PFKM: variants seen among roughly 807,000 people sequenced by gnomAD.
The protein encoded by PFKM is phosphofructokinase, muscle.
PFKM carries 58 observed loss-of-function variants against 95.5 expected under a neutral mutation model. The ratio of observed to expected loss-of-function variants is 0.61; its 90% CI spans 0.49 to 0.76. The LOEUF is 0.76. PFKM is among the 30% of genes least tolerant of loss of function. PFKM has a pLI of 0.00. For synonymous variants in PFKM, 336 were observed against 357.2 expected (o/e 0.94, Z 0.67); for missense variants, 678 against 1,005.4 (o/e 0.67, Z 4.40).
rs775783131 is a variant in PFKM at position 48,105,956 on chromosome 12, G to A, written c.-191G>A. 66 of 694,192 alleles carry A rather than the reference G, an allele frequency of 9.5e-5. No homozygotes were observed. The highest frequency in any genetic ancestry group is 1.5e-4 in the Non-Finnish European group (56 of 380,584). 43.0% of individuals were successfully genotyped at this position (694,192 alleles called of 1,614,324 possible). ...CCAGTCCAGCCCGGGCCGGCTGACC[G>A]GGTCCGACACAGTCTCCTGGACCAG... On this transcript the variant is annotated 5_prime_UTR_variant, in exon 1 of 25. Coordinates refer to the PFKM transcript ENST00000340802.
intron 12 of PFKM, 24 bp from the exon 13 acceptor site, chr12:48,139,825 T>G: frequency 6.5e-7 from 1 of 1,538,086 alleles, no homozygotes. Context: ...TGAAGACACC[T>G]CTCTCTATTT....
intron 3 of PFKM, among the ~76,000 whole-genome samples, chr12:48,114,139 AAGCC>A (rs1414994167): frequency 6.6e-6 from 1 of 152,158 alleles, no homozygotes; most frequent in Non-Finnish European, 1.5e-5. Flanking sequence ...GTGGTTCATG[AAGCC>A]AGCAGTTATC....
At chr12:48,128,577 G>A (rs1223972953) in intron 2 of PFKM, among the ~76,000 whole-genome samples, 3 of 152,082 alleles carry the variant, frequency 2.0e-5, no homozygotes, top group Admixed American at 6.5e-5. Flanking sequence ...TTTGTTCAGT[G>A]AACAAATGGA....
chr12:48,119,426 G>A lies in PFKM; in HGVS notation c.-9+20G>A. Reference sequence around the variant, plus strand: ...TAAAAGGCAAGAGGGGCCATTGAGTGAAGAGCAAGGGGGAGAGCTGGGAGT... The same window carrying A: ...TAAAAGGCAAGAGGGGCCATTGAGTAAAGAGCAAGGGGGAGAGCTGGGAGT... On this transcript the variant is annotated intron_variant, in intron 1 of 22. Transcript: ENST00000359794. 1.0e-6 allele frequency: 1 copy of A among 985,900 alleles called. No individual in the cohort carries two copies. Among genetic ancestry groups the A allele is most frequent in the Non-Finnish European group, 1.2e-6 (1 of 830,140 alleles). The allele number at this position is 985,900 out of a possible 1,614,324, so 61.1% of individuals were successfully genotyped here.
chr12:48,122,808 C>T lies in PFKM; in HGVS notation c.34C>T (p.Leu12=), dbSNP rs1948417477. ...THEEHHAAKT[L]GIGKAIAVLT... ...TGAAGAGCACCATGCAGCCAAAACC[C>T]TGGGGATTGGCAAAGCCATTGCTGT... The change falls in exon 2 of 23, where the codon CTG becomes TTG. Residue 12 remains leucine (L), a synonymous_variant. Transcript: ENST00000359794. 6.2e-7 allele frequency: 1 copy of T among 1,613,996 alleles called. No homozygotes were observed. Among genetic ancestry groups the T allele is most frequent in the African/African-American group, 1.3e-5 (1 of 74,910 alleles).
rs1158846922 is a variant in PFKM, at chr12:48,141,296, G to A, written c.1342-15G>A. ...GCTTTAGCCTTGTGCAGAGCTCTGT[G>A]GCTTATCCCCACAGATAGAGGAAGC... is the stretch of plus-strand genomic sequence containing the variant. On this transcript the variant is annotated splice_polypyrimidine_tract_variant and intron_variant, in intron 14 of 22. Transcript: ENST00000359794. The A allele has an allele frequency of 3.1e-6, 5 of 1,613,402 alleles. No individual in the cohort carries two copies. Among genetic ancestry groups the A allele is most frequent in the Non-Finnish European group, 4.2e-6 (5 of 1,179,344 alleles).
At chr12:48,132,430 G>GA (rs1403919919) in intron 4 of PFKM, among the ~76,000 whole-genome samples, 1 of 152,152 alleles carries the variant, frequency 6.6e-6, no homozygotes, top group Non-Finnish European at 1.5e-5. Flanking sequence ...GCAGAGAGAG[G>GA]AAAAATACTA....
upstream of PFKM, among the ~76,000 whole-genome samples, chr12:48,114,808 A>G (rs1947526127): frequency 6.6e-6 from 1 of 152,182 alleles, no homozygotes; most frequent in African/African-American, 2.4e-5. Context: ...GGAGAAATCA[A>G]AAGTGCCGTT....
chr12:48,139,417 T>G, intron 12 of PFKM, 68 bp downstream of exon 12: 1 of 1,217,824 alleles, frequency 8.2e-7, no homozygotes, highest in Non-Finnish European at 1.2e-6. Context: ...AAGATCTCCA[T>G]GGCTCCAGGC....
chr12:48,108,442 C>T (rs1245411374), intron 3 of PFKM, among the ~76,000 whole-genome samples: 1 of 152,042 alleles, frequency 6.6e-6, no homozygotes, highest in Non-Finnish European at 1.5e-5. Flanking sequence ...GGGAAACAGA[C>T]ACATCTCTAT....
At chr12:48,139,529 CAG>C (rs923430058) in intron 12 of PFKM, 180 bp downstream of exon 12, 5 of 659,698 alleles carry the variant, frequency 7.6e-6, no homozygotes, top group African/African-American at 7.2e-5. Context: ...CAGTTCATCT[CAG>C]GGGTGTGGTC....
At chr12:48,118,861 A>G (rs77322589), upstream of PFKM, among the ~76,000 whole-genome samples, 6 of 147,580 alleles carry the variant, frequency 4.1e-5, no homozygotes, top group East Asian at 2.1e-4. Context: ...TCATAATTCA[A>G]TGTTCCTCAA....
chr12:48,113,176 C>T (rs538319000), intron 3 of PFKM, among the ~76,000 whole-genome samples: 38 of 152,176 alleles, frequency 2.5e-4, no homozygotes, highest in Admixed American at 2.0e-3. Context: ...CAAGTTGTCA[C>T]GAGAGTTGGG....
intron 4 of PFKM, among the ~76,000 whole-genome samples, chr12:48,132,529 C>T (rs956048766): frequency 2.0e-5 from 3 of 152,190 alleles, no homozygotes; most frequent in Non-Finnish European, 4.4e-5. Context: ...AGACTGAAGT[C>T]ACTGCTTCTA....
intron 6 of PFKM, among the ~76,000 whole-genome samples, chr12:48,133,824 T>A (rs1459000734): frequency 3.3e-5 from 5 of 152,018 alleles, no homozygotes; most frequent in Admixed American, 3.3e-4. Flanking sequence ...AAAGTATAGG[T>A]GCTGCTATGA....
At chr12:48,113,508 G>T (rs1947390540) in intron 3 of PFKM, among the ~76,000 whole-genome samples, 1 of 152,204 alleles carries the variant, frequency 6.6e-6, no homozygotes, top group African/African-American at 2.4e-5. Flanking sequence ...TTTCCAGTGG[G>T]GTCCCGCACA....
chr12:48,138,787 G>T (rs530965785), intron 11 of PFKM, among the ~76,000 whole-genome samples: 23 of 152,298 alleles, frequency 1.5e-4, no homozygotes, highest in African/African-American at 5.3e-4. Flanking sequence ...AGGCACGGTG[G>T]CTCACGCCTA....
chr12:48,106,229 C>CG (rs1946583613), intron 1 of PFKM: 1 of 648,646 alleles, frequency 1.5e-6, no homozygotes, highest in Admixed American at 2.4e-5. Context: ...GCCCGAGAAG[C>CG]GAAGGGAGCA....
intron 9 of PFKM, 95 bp downstream of exon 9, chr12:48,135,133 C>T: frequency 8.9e-7 from 1 of 1,122,814 alleles, no homozygotes; most frequent in South Asian, 1.3e-5. Flanking sequence ...CTTGGTCCTT[C>T]TGCACATCTC....
Sources: gnomAD v4.1 joint callset for allele counts (sites outside exome capture counted in the v4.1 genomes callset) on GRCh38, gnomAD v4.1.1 for gene constraint, MANE v1.5 for transcripts, NCBI Gene and HGNC (gene_info 2026-07-23, HGNC 2026-07-21) for gene names.